Variants in ARAP2 observed in about 807,000 individuals in gnomAD.
ARAP2 encodes the protein arf-GAP with Rho-GAP domain, ANK repeat and PH domain-containing protein 2.
A neutral mutation model predicts 194.5 loss-of-function variants in ARAP2; 148 were observed. The observed-to-expected ratio is 0.76, with a 90% CI of 0.67 to 0.87. The LOEUF (loss-of-function observed/expected upper bound fraction) is 0.87. Ranked by LOEUF, ARAP2 falls within the 40% of genes least tolerant of loss-of-function variation. ARAP2 has a pLI of 0.00. For synonymous variants in ARAP2, 695 were observed against 683.5 expected, an observed-to-expected ratio of 1.02 and a Z score of -0.26; for missense variants, 2,128 against 1,989.7, an observed-to-expected ratio of 1.07 and a Z score of -1.32.
chr4:36,171,685 T>A (rs1736676612), intron 9 of ARAP2, among the ~76,000 whole-genome samples: 1 of 151,698 alleles, frequency 6.6e-6, no homozygotes, highest in South Asian at 2.1e-4. Flanking sequence ...AAAAAAAAAA[T>A]GTTTAAAAGA....
intron 20 of ARAP2, 150 bp from the exon 21 acceptor site, chr4:36,128,895 G>T (rs988886107): frequency 1.1e-5 from 7 of 664,822 alleles, no homozygotes; most frequent in Non-Finnish European, 1.5e-5. Context: ...AGCAGGAAAG[G>T]CTTTTTACTC....
chr4:36,179,366 C>T (rs1738696271), intron 8 of ARAP2, among the ~76,000 whole-genome samples: 1 of 152,162 alleles, frequency 6.6e-6, no homozygotes, highest in Non-Finnish European at 1.5e-5. Flanking sequence ...AACGTGGCAT[C>T]AGAAATTGGC....
intron 24 of ARAP2, among the ~76,000 whole-genome samples, chr4:36,119,365 C>T (rs1347717367): frequency 6.6e-6 from 1 of 151,398 alleles, no homozygotes; most frequent in Non-Finnish European, 1.5e-5. Flanking sequence ...CCTTTGAAAT[C>T]CATTAGCATT....
At chr4:36,183,288 T>A (rs1739704410) in intron 8 of ARAP2, among the ~76,000 whole-genome samples, 2 of 40,850 alleles carry the variant, frequency 4.9e-5, no homozygotes, top group Non-Finnish European at 1.1e-4. Flanking sequence ...TTTTAAAATT[T>A]TTTTTAATTA....
chr4:36,239,632 GTTGT>G (rs1753125406), intron 1 of ARAP2, among the ~76,000 whole-genome samples: 2 of 152,208 alleles, frequency 1.3e-5, no homozygotes, highest in South Asian at 2.1e-4. Context: ...GAGGTAAGGA[GTTGT>G]TTAACAAGCA....
chr4:36,054,050 G>A (rs780604634), intron 2 of ARAP2, among the ~76,000 whole-genome samples: 1 of 152,186 alleles, frequency 6.6e-6, no homozygotes, highest in Non-Finnish European at 1.5e-5. Flanking sequence ...TTCAATAATG[G>A]TGTTTTTCCA....
chr4:36,027,119 T>C (rs1259794694), intron 5 of ARAP2, among the ~76,000 whole-genome samples: 1 of 152,214 alleles, frequency 6.6e-6, no homozygotes, highest in Non-Finnish European at 1.5e-5. Flanking sequence ...TCGTGGATAA[T>C]GATATATCAT....
intron 5 of ARAP2, among the ~76,000 whole-genome samples, chr4:36,038,421 T>C (rs2109219974): frequency 6.6e-6 from 1 of 152,306 alleles, no homozygotes; most frequent in African/African-American, 2.4e-5. Context: ...TTTTCCTCAG[T>C]GTAAAATAGC....
At chr4:36,229,809 T>A (rs1751078599) in intron 1 of ARAP2, among the ~76,000 whole-genome samples, 164 bp from the exon 2 acceptor site, 1 of 152,192 alleles carries the variant, frequency 6.6e-6, no homozygotes, top group Admixed American at 6.5e-5. Context: ...AGTTTCTCAG[T>A]ATGTGAAGGT....
intron 5 of ARAP2, among the ~76,000 whole-genome samples, chr4:36,029,585 C>T (rs1451682530): frequency 6.6e-6 from 1 of 151,994 alleles, no homozygotes; most frequent in Non-Finnish European, 1.5e-5. Flanking sequence ...TTTTAATACA[C>T]AAGTTAAGTT....
At chr4:36,099,060 C>T (rs1336570571) in intron 27 of ARAP2, among the ~76,000 whole-genome samples, 2 of 151,832 alleles carry the variant, frequency 1.3e-5, no homozygotes, top group Non-Finnish European at 2.9e-5. Flanking sequence ...CCTCCCCTCC[C>T]CATGGACAGG....
intron 5 of ARAP2, among the ~76,000 whole-genome samples, chr4:36,026,436 A>T (rs1235825342): frequency 6.6e-6 from 1 of 152,112 alleles, no homozygotes; most frequent in Non-Finnish European, 1.5e-5. Context: ...TTGTAGCTTC[A>T]ATTCTGTGCT....
intron 27 of ARAP2, among the ~76,000 whole-genome samples, chr4:36,096,500 A>G (rs997973657): frequency 1.6e-4 from 24 of 152,164 alleles, no homozygotes; most frequent in African/African-American, 5.1e-4. Context: ...AACAAAAGTT[A>G]AAAATACAAA....
At chr4:36,188,486 A>T (rs1197196096) in intron 7 of ARAP2, among the ~76,000 whole-genome samples, 1 of 152,190 alleles carries the variant, frequency 6.6e-6, no homozygotes, top group Admixed American at 6.5e-5. Context: ...TCCGACTTTT[A>T]AAAAACCTTA....
At chr4:36,127,594 ATG>A (rs1724268998) in intron 21 of ARAP2, among the ~76,000 whole-genome samples, 1 of 152,010 alleles carries the variant, frequency 6.6e-6, no homozygotes, top group Non-Finnish European at 1.5e-5. Flanking sequence ...GAGGAATGCC[ATG>A]TGACTAGATT....
rs892918858 is a variant in ARAP2, at chr4:36,210,447, T to C, written c.1430A>G (p.Tyr477Cys). The C allele has an allele frequency of 1.5e-5, 24 of 1,613,794 alleles. No individual in the cohort carries two copies. The highest frequency in any genetic ancestry group is 1.9e-5 in the Non-Finnish European group (23 of 1,179,786). ...SQAISPYACF[Y>C]GASAKKVKSG... ...TTTAACCTTCTTTGCAGATGCTCCA[T>C]AAAAGCAGGCATAGGGAGATATTGC... Residue 477 changes from tyrosine to cysteine, a missense_variant, in exon 6 of 33, where the codon TAT (tyrosine) becomes TGT (cysteine). By Grantham distance (194) the Tyr-to-Cys change is radical (BLOSUM62 -2). Coordinates refer to ENST00000303965, the MANE Select transcript of ARAP2 (RefSeq NM_015230.4).
chr4:36,165,523 C>T (rs1735082614), intron 10 of ARAP2, among the ~76,000 whole-genome samples: 1 of 151,486 alleles, frequency 6.6e-6, no homozygotes, highest in East Asian at 1.9e-4. Context: ...ACTATGTTAT[C>T]AAAAACACCC....
chr4:36,079,899 TG>T (rs1729115764), intron 31 of ARAP2, among the ~76,000 whole-genome samples: 1 of 152,116 alleles, frequency 6.6e-6, no homozygotes, highest in Non-Finnish European at 1.5e-5. Context: ...TGTGGGATTG[TG>T]GTAGGATGAC....
intron 19 of ARAP2, among the ~76,000 whole-genome samples, chr4:36,138,767 T>A (rs900470751): frequency 3.3e-5 from 5 of 151,680 alleles, no homozygotes; most frequent in African/African-American, 9.7e-5. Flanking sequence ...GTAAACCAAC[T>A]GTATTATTTT....
Sources: gnomAD v4.1 joint callset for allele counts (sites outside exome capture counted in the v4.1 genomes callset) on GRCh38, gnomAD v4.1.1 for gene constraint, MANE v1.5 for transcripts, NCBI Gene and HGNC (gene_info 2026-07-23, HGNC 2026-07-21) for gene names.